Variants in ANO2 observed in about 807,000 individuals in gnomAD.
ANO2 encodes anoctamin-2.
A neutral mutation model predicts 124.2 loss-of-function variants in ANO2; 101 were observed. The observed-to-expected ratio is 0.81, with a 90% CI of 0.69 to 0.96. The LOEUF (loss-of-function observed/expected upper bound fraction) is 0.96, where lower values mean the gene tolerates loss of function less well. Ranked by LOEUF, ANO2 falls within the 40% of genes least tolerant of loss-of-function variation. The probability of loss-of-function intolerance (pLI) is 0.00; values close to 1 mark genes in which losing one functional copy is unlikely to be tolerated. For synonymous variants in ANO2, 486 were observed against 482.5 expected, an observed-to-expected ratio of 1.01 and a Z score of -0.09; for missense variants, 1,293 against 1,274.5, an observed-to-expected ratio of 1.01 and a Z score of -0.22.
intron 10 of ANO2, among the ~76,000 whole-genome samples, chr12:5,761,512 T>A (rs1375702348): frequency 6.6e-6 from 1 of 152,208 alleles, no homozygotes; most frequent in African/African-American, 2.4e-5. Context: ...ACTGCCCTTT[T>A]ATAAACTAGT....
At chr12:5,688,830 T>TA (rs1948808974) in intron 14 of ANO2, among the ~76,000 whole-genome samples, 1 of 140,964 alleles carries the variant, frequency 7.1e-6, no homozygotes. Context: ...TTTTTTTTTT[T>TA]GGTCGGAGCT....
At chr12:5,699,836 A>G (rs1949332498) in intron 14 of ANO2, among the ~76,000 whole-genome samples, 1 of 152,200 alleles carries the variant, frequency 6.6e-6, no homozygotes, top group Non-Finnish European at 1.5e-5. Context: ...ATCAAAAGAG[A>G]CAAAGAAGGC....
At chr12:5,745,001 G>A (rs1951225140) in intron 11 of ANO2, among the ~76,000 whole-genome samples, 3 of 152,222 alleles carry the variant, frequency 2.0e-5, no homozygotes, top group African/African-American at 7.2e-5. Flanking sequence ...ATTCTTCCAA[G>A]ATCTAGATTC....
At chr12:5,610,401 A>C (rs1172463527) in intron 19 of ANO2, among the ~76,000 whole-genome samples, 1 of 115,086 alleles carries the variant, frequency 8.7e-6, no homozygotes, top group Non-Finnish European at 1.7e-5. Flanking sequence ...ATTTATACAT[A>C]AATATATAAA....
chr12:5,888,770 T>C (rs997180432), intron 3 of ANO2, among the ~76,000 whole-genome samples: 5 of 152,282 alleles, frequency 3.3e-5, no homozygotes, highest in Non-Finnish European at 7.4e-5. Flanking sequence ...GTATTTACAA[T>C]CCCTTAGCTG....
intron 13 of ANO2, among the ~76,000 whole-genome samples, chr12:5,736,002 T>C (rs1187958023): frequency 1.3e-5 from 2 of 152,204 alleles, no homozygotes; most frequent in Non-Finnish European, 2.9e-5. Context: ...TGACAGAAGG[T>C]AATGGGCAAG....
intron 14 of ANO2, among the ~76,000 whole-genome samples, chr12:5,729,455 A>G (rs894411958): frequency 3.9e-5 from 6 of 152,206 alleles, no homozygotes; most frequent in African/African-American, 7.2e-5. Context: ...TAAAACTACA[A>G]TGAAATATCA....
At chr12:5,897,568 A>T (rs1205003886) in intron 3 of ANO2, among the ~76,000 whole-genome samples, 2 of 152,194 alleles carry the variant, frequency 1.3e-5, no homozygotes, top group Admixed American at 1.3e-4. Flanking sequence ...AGAGAATAAA[A>T]TAAAGTCCAG....
intron 14 of ANO2, among the ~76,000 whole-genome samples, chr12:5,687,363 C>T (rs74056642): frequency 6.6e-6 from 1 of 152,224 alleles, no homozygotes; most frequent in African/African-American, 2.4e-5. Flanking sequence ...CCACTGCATA[C>T]AGGACAAAAC....
intron 3 of ANO2, among the ~76,000 whole-genome samples, chr12:5,898,594 G>A (rs899143368): frequency 9.9e-5 from 15 of 152,156 alleles, no homozygotes; most frequent in Admixed American, 9.2e-4. Flanking sequence ...TAGATTAATC[G>A]CACACACTTA....
At chr12:5,791,110 C>A (rs1386333906) in intron 10 of ANO2, among the ~76,000 whole-genome samples, 1 of 152,258 alleles carries the variant, frequency 6.6e-6, no homozygotes, top group East Asian at 1.9e-4. Context: ...CCCCACCCAA[C>A]AGAAACCAGA....
In ANO2 at chr12:5,921,357, T is replaced by G. The variant is rs766756811; in HGVS notation, c.217A>C (p.Asn73His). 6.2e-7 allele frequency: 1 copy of G among 1,613,522 alleles called. No homozygotes were observed. Among genetic ancestry groups the G allele is most frequent in the Non-Finnish European group, 8.5e-7 (1 of 1,179,644 alleles). The stretch of plus-strand genomic sequence containing the variant: ...ACAGGCTCATTGGCATCCAGATAGT[T>G]GTTGATGACCTGGCCAGAGAGAGAG... The part of the protein sequence containing the change: ...ESTRSSSVIN[N>H]YLDANEPVSL... The change falls in exon 3 of 25, where the codon AAC (asparagine) becomes CAC (histidine). Residue 73 changes from asparagine (N) to histidine (H), a missense_variant. Transcript: ENST00000682330.
intron 14 of ANO2, among the ~76,000 whole-genome samples, chr12:5,698,666 C>T (rs536639935): frequency 2.1e-3 from 314 of 152,230 alleles, no homozygotes; most frequent in African/African-American, 7.2e-3. Flanking sequence ...GGAGGATGTT[C>T]GAACCCGTCG....
rs763118221 is a variant in ANO2 at position 5,832,431 on chromosome 12, T to G, written c.785+21A>C. On this transcript the variant is annotated intron_variant, in intron 5 of 24. Transcript: ENST00000682330. ...TTCCTATCCCTTCCCACATCTCTGC[T>G]CCAGCAGCTTCAATACTCACAGGTA... 24 of 1,613,688 alleles carry G rather than the reference T, an allele frequency of 1.5e-5. No individual in the cohort carries two copies. In the South Asian group the frequency reaches 2.4e-4, roughly 16 times the overall value.
At chr12:5,796,146 C>A (rs1208698529) in intron 10 of ANO2, among the ~76,000 whole-genome samples, 1 of 151,938 alleles carries the variant, frequency 6.6e-6, no homozygotes, top group Non-Finnish European at 1.5e-5. Flanking sequence ...CTCACACACA[C>A]ACAGTCACAC....
At chr12:5,637,351 G>GTGTC (rs1471658650) in intron 15 of ANO2, among the ~76,000 whole-genome samples, 2 of 151,308 alleles carry the variant, frequency 1.3e-5, no homozygotes, top group Non-Finnish European at 2.9e-5. Flanking sequence ...GTGTGTGTGT[G>GTGTC]TGTGTGTGTA....
intron 4 of ANO2, among the ~76,000 whole-genome samples, chr12:5,836,004 T>C (rs1324941398): frequency 1.3e-5 from 2 of 152,216 alleles, no homozygotes; most frequent in African/African-American, 2.4e-5. Context: ...TGTGCGGTAA[T>C]TAGTTTCAGA....
intron 19 of ANO2, among the ~76,000 whole-genome samples, chr12:5,612,420 T>C (rs1225986652): frequency 6.6e-6 from 1 of 152,234 alleles, no homozygotes; most frequent in East Asian, 1.9e-4. Context: ...CTGGCTCTGC[T>C]ACTTACTAGT....
intron 17 of ANO2, 138 bp from the exon 18 acceptor site, chr12:5,613,096 G>C: frequency 1.3e-6 from 1 of 789,782 alleles, no homozygotes; most frequent in Non-Finnish European, 2.2e-6. Context: ...GATCACTCAG[G>C]GATAGGAGTG....
Sources: gnomAD v4.1 joint callset for allele counts (sites outside exome capture counted in the v4.1 genomes callset) on GRCh38, gnomAD v4.1.1 for gene constraint, MANE v1.5 for transcripts, NCBI Gene and HGNC (gene_info 2026-07-23, HGNC 2026-07-21) for gene names.